The following CHCHD6 variants were observed in gnomAD, a reference collection of about 807,000 sequenced individuals.
CHCHD6 encodes MICOS complex subunit MIC25.
In CHCHD6, 28 loss-of-function variants were observed where a neutral mutation model predicts 32.3. The observed-to-expected ratio is 0.87, with a 90% confidence interval of 0.64 to 1.19. The LOEUF (loss-of-function observed/expected upper bound fraction) is 1.19. Ranked by LOEUF, CHCHD6 falls within the 50% of genes most tolerant of loss-of-function variation. CHCHD6 has a pLI of 0.00. For synonymous variants in CHCHD6, 122 were observed against 117.5 expected (o/e 1.04, Z -0.25); for missense variants, 333 against 307.0 (o/e 1.08, Z -0.63).
intron 4 of CHCHD6, among the ~76,000 whole-genome samples, chr3:126,832,002 A>G (rs1047385729): frequency 6.6e-6 from 1 of 152,190 alleles, no homozygotes; most frequent in Non-Finnish European, 1.5e-5. Context: ...ATGTCTAAAA[A>G]TATTTGGCCA....
chr3:126,892,614 C>G (rs1407010408), intron 5 of CHCHD6, among the ~76,000 whole-genome samples: 1 of 152,230 alleles, frequency 6.6e-6, no homozygotes, highest in Non-Finnish European at 1.5e-5. Flanking sequence ...TTTCAAGACC[C>G]TGAAGATGGC....
chr3:126,953,123 TC>T (rs1349544672), intron 6 of CHCHD6: 2 of 985,154 alleles, frequency 2.0e-6, no homozygotes, highest in African/African-American at 1.7e-5. Context: ...GGTGGGGTCC[TC>T]CCCCATACCT....
chr3:126,865,595 CCACACCTT>C (rs1227165513), intron 5 of CHCHD6: 2 of 985,280 alleles, frequency 2.0e-6, no homozygotes, highest in Non-Finnish European at 2.4e-6. Context: ...TCTACCACCT[CCACACCTT>C]CACTGCTACC....
At chr3:126,940,221 G>T (rs2078539367) in intron 6 of CHCHD6, among the ~76,000 whole-genome samples, 1 of 152,136 alleles carries the variant, frequency 6.6e-6, no homozygotes, top group Admixed American at 6.5e-5. Context: ...ATCTCTTCCT[G>T]CTTCAGTTTG....
intron 6 of CHCHD6, among the ~76,000 whole-genome samples, chr3:126,926,073 G>T (rs1422085399): frequency 1.3e-5 from 2 of 152,170 alleles, no homozygotes; most frequent in Non-Finnish European, 2.9e-5. Context: ...CCCTGCTTAG[G>T]ACTCTCGTTC....
At chr3:126,735,229 TATTA>T (rs1449714917) in intron 4 of CHCHD6, among the ~76,000 whole-genome samples, 1 of 152,154 alleles carries the variant, frequency 6.6e-6, no homozygotes, top group Non-Finnish European at 1.5e-5. Context: ...ACCTGGAATG[TATTA>T]ATTACAGTGA....
chr3:126,806,754 T>C (rs1254849568), intron 4 of CHCHD6, among the ~76,000 whole-genome samples: 1 of 152,022 alleles, frequency 6.6e-6, no homozygotes, highest in African/African-American at 2.4e-5. Context: ...CACATGTATG[T>C]TTATTGCGGC....
rs771304781 is a variant in CHCHD6, at chr3:126,704,256, G to A, written c.-57G>A. On this transcript the variant is annotated 5_prime_UTR_variant, in exon 1 of 8. Coordinates refer to ENST00000290913, the MANE Select transcript of CHCHD6 (RefSeq NM_032343.3). ...GAGTCCTGGAAAGCGTTGTTGGCCC[G>A]GTTGCTCTGGAGCCGGGTCTCGGGT... 58 of 1,427,540 alleles carry A rather than the reference G, an allele frequency of 4.1e-5. No homozygotes were observed. Among genetic ancestry groups the A allele is most frequent in the Middle Eastern group, 4.9e-4 (2 of 4,112 alleles). The allele number at this position is 1,427,540 out of a possible 1,614,324, so 88.4% of individuals were successfully genotyped here. A position where few individuals can be genotyped will look rare whatever the true frequency, so the allele number is the denominator to read the frequency against.
chr3:126,900,468 G>A (rs1343562878), intron 5 of CHCHD6, among the ~76,000 whole-genome samples: 1 of 152,190 alleles, frequency 6.6e-6, no homozygotes, highest in African/African-American at 2.4e-5. Flanking sequence ...AGCTGTACAG[G>A]AAGCACAGTG....
At chr3:126,913,179 C>A (rs1049415532) in intron 5 of CHCHD6, among the ~76,000 whole-genome samples, 2 of 126,424 alleles carry the variant, frequency 1.6e-5, no homozygotes, top group Non-Finnish European at 3.2e-5. Context: ...ATCTGTAGAA[C>A]GGGGATAATC....
chr3:126,763,081 T>C (rs1007477815), intron 4 of CHCHD6, among the ~76,000 whole-genome samples: 1 of 152,194 alleles, frequency 6.6e-6, no homozygotes, highest in Non-Finnish European at 1.5e-5. Context: ...ATAGCTTTTA[T>C]TGTCCCTCAG....
At chr3:126,835,530 C>T (rs968565890) in intron 4 of CHCHD6, among the ~76,000 whole-genome samples, 26 of 152,170 alleles carry the variant, frequency 1.7e-4, no homozygotes, top group African/African-American at 5.8e-4. Flanking sequence ...CACACCTGGC[C>T]GGCTCTGCTC....
intron 6 of CHCHD6, chr3:126,949,402 C>T: frequency 4.4e-6 from 1 of 228,590 alleles, no homozygotes; most frequent in Non-Finnish European, 8.7e-6. Context: ...GGGAAGGCTG[C>T]ACCAACAGGT....
At chr3:126,787,404 G>A (rs1938271991) in intron 4 of CHCHD6, among the ~76,000 whole-genome samples, 3 of 152,118 alleles carry the variant, frequency 2.0e-5, no homozygotes, top group South Asian at 2.1e-4. Flanking sequence ...GAATCTATAA[G>A]TTACCTTGGG....
At chr3:126,750,447 T>A (rs1281620463) in intron 4 of CHCHD6, among the ~76,000 whole-genome samples, 1 of 152,220 alleles carries the variant, frequency 6.6e-6, no homozygotes, top group East Asian at 1.9e-4. Flanking sequence ...AGACCTCAGA[T>A]GGGGGCAGTG....
intron 1 of CHCHD6, among the ~76,000 whole-genome samples, chr3:126,711,977 C>A (rs1242913951): frequency 6.6e-6 from 1 of 152,214 alleles, no homozygotes; most frequent in African/African-American, 2.4e-5. Flanking sequence ...CATGTTCTGA[C>A]AAGTGCTGAG....
intron 4 of CHCHD6, among the ~76,000 whole-genome samples, chr3:126,835,866 T>C (rs1940836888): frequency 6.6e-6 from 1 of 152,234 alleles, no homozygotes; most frequent in African/African-American, 2.4e-5. Flanking sequence ...CCAGCATTAC[T>C]TTTTAAAAGG....
intron 4 of CHCHD6, among the ~76,000 whole-genome samples, chr3:126,851,744 C>T (rs955870638): frequency 6.6e-6 from 1 of 152,242 alleles, no homozygotes; most frequent in Non-Finnish European, 1.5e-5. Context: ...CCTGCCTTGC[C>T]GTGTGCTGGT....
chr3:126,882,784 G>A (rs927314002), intron 5 of CHCHD6, among the ~76,000 whole-genome samples: 2 of 152,188 alleles, frequency 1.3e-5, no homozygotes, highest in African/African-American at 4.8e-5. Context: ...GCCCACATGT[G>A]ATACTGTGAA....
Sources: allele counts gnomAD v4.1 joint callset (sites outside exome capture counted in the v4.1 genomes callset), GRCh38; gene constraint gnomAD v4.1.1; transcripts MANE v1.5; gene names NCBI Gene and HGNC (gene_info 2026-07-23, HGNC 2026-07-21).